RPH3AL: variants seen among roughly 807,000 people sequenced by gnomAD.
RPH3AL encodes rab effector Noc2.
A neutral mutation model predicts 43.1 loss-of-function variants in RPH3AL; 38 were observed. The ratio of observed to expected loss-of-function variants is 0.88; its 90% CI spans 0.68 to 1.15. The LOEUF is 1.15. RPH3AL is among the 50% of genes most tolerant of loss of function. The pLI, the probability that RPH3AL is intolerant of heterozygous loss-of-function variation, is 0.00. For synonymous variants in RPH3AL, 189 were observed against 176.3 expected (o/e 1.07, Z -0.57); for missense variants, 462 against 423.2 (o/e 1.09, Z -0.81).
In RPH3AL at chr17:246,562, C is replaced by T. The variant is rs574265601; in HGVS notation, c.613+549G>A. On this transcript the variant is annotated intron_variant, in intron 7 of 9. Coordinates refer to ENST00000331302, the MANE Select transcript of RPH3AL (RefSeq NM_006987.4). This position sits in a 1 kb window ranked among gnomAD's most constrained non-coding sequence, Gnocchi z 4.8. ...AAAGCATCATGAAAGCTGCGGAGAACGGTCCACAACCAGGCGCCCCCATCG... is the reference window on the plus strand; with the variant it reads ...AAAGCATCATGAAAGCTGCGGAGAATGGTCCACAACCAGGCGCCCCCATCG... Among the ~76,000 whole-genome samples, 14 of 152,262 alleles carry T rather than the reference C, an allele frequency of 9.2e-5. No homozygotes were observed. Among genetic ancestry groups the T allele is most frequent in the African/African-American group, 2.6e-4 (11 of 41,554 alleles).
intron 5 of RPH3AL, among the ~76,000 whole-genome samples, chr17:307,172 C>T (rs960499238): frequency 2.0e-4 from 30 of 150,646 alleles, no homozygotes; most frequent in Non-Finnish European, 3.3e-4. Flanking sequence ...GCCCATCCCA[C>T]GGCAGATCCT....
At chr17:267,311 G>A (rs2042347064) in intron 6 of RPH3AL, among the ~76,000 whole-genome samples, 1 of 152,214 alleles carries the variant, frequency 6.6e-6, no homozygotes, top group Admixed American at 6.5e-5. Flanking sequence ...TCTGACACCG[G>A]TTTGAGAGAG....
intron 3 of RPH3AL, 22 bp from the exon 4 acceptor site, chr17:321,437 C>T (rs368395983): frequency 7.8e-5 from 123 of 1,567,006 alleles, no homozygotes; most frequent in Middle Eastern, 1.7e-4. Flanking sequence ...ACAGCACAGA[C>T]GGCGTGGAGG....
chr17:331,622 C>T (rs1408267874), intron 2 of RPH3AL: 5 of 1,287,666 alleles, frequency 3.9e-6, no homozygotes, highest in Non-Finnish European at 5.1e-6. Flanking sequence ...GAGCCAGTTT[C>T]GATTCTCCAA....
At chr17:317,025 T>C (rs866582184) in intron 5 of RPH3AL, among the ~76,000 whole-genome samples, 10 of 62,318 alleles carry the variant, frequency 1.6e-4, no homozygotes, top group African/African-American at 2.5e-4. Flanking sequence ...GTCTCTGTGC[T>C]CCACCTCCAC....
Position 283,906 on chromosome 17 carries a change from G to A in RPH3AL, c.352-2052C>T, listed in dbSNP as rs1486517779. ...GGTCCCCCATCAGCCTATGAGGTGG[G>A]CTCCAGAACCACAACGTGGGCCTCT... On this transcript the variant is annotated intron_variant, in intron 5 of 9. Transcript: ENST00000331302. The surrounding 1 kb of genome is among the most constrained non-coding windows in gnomAD (Gnocchi z 4.2). 6.6e-6 allele frequency among the ~76,000 whole-genome samples: 1 copy of A among 152,180 alleles called. No individual in the cohort carries two copies. Among genetic ancestry groups the A allele is most frequent in the Non-Finnish European group, 1.5e-5 (1 of 68,024 alleles).
At chr17:336,349 C>G (rs2044953078) in intron 1 of RPH3AL, among the ~76,000 whole-genome samples, 1 of 152,196 alleles carries the variant, frequency 6.6e-6, no homozygotes, top group Non-Finnish European at 1.5e-5. Context: ...CAAAGAACCA[C>G]TCACTCGGAA....
chr17:263,529 T>A (rs1454686680), intron 6 of RPH3AL, among the ~76,000 whole-genome samples: 1 of 152,212 alleles, frequency 6.6e-6, no homozygotes, highest in Non-Finnish European at 1.5e-5. Context: ...TCCGAACAAT[T>A]TGATTTTTTA....
At chr17:340,358 A>G (rs2045079488) in intron 1 of RPH3AL, among the ~76,000 whole-genome samples, 2 of 147,592 alleles carry the variant, frequency 1.4e-5, no homozygotes, top group African/African-American at 5.1e-5. Flanking sequence ...CCCCACATCC[A>G]CACTCACTGC....
At chr17:281,307 T>C (rs1219073501) in intron 6 of RPH3AL, among the ~76,000 whole-genome samples, 1 of 151,922 alleles carries the variant, frequency 6.6e-6, no homozygotes, top group Non-Finnish European at 1.5e-5. Flanking sequence ...TATTTCCCCA[T>C]CAGGAAAAGG....
At chr17:269,170 G>C (rs2042402521) in intron 6 of RPH3AL, among the ~76,000 whole-genome samples, 1 of 152,108 alleles carries the variant, frequency 6.6e-6, no homozygotes, top group African/African-American at 2.4e-5. Context: ...GAGCCACCGT[G>C]CCTGGCCGAT....
At chr17:253,759 C>A (rs1555543629) in intron 6 of RPH3AL, among the ~76,000 whole-genome samples, 2 of 131,138 alleles carry the variant, frequency 1.5e-5, no homozygotes, top group Non-Finnish European at 3.3e-5. Context: ...ACCCTACGTA[C>A]TTCCTATGAG....
rs758549526 is a variant in RPH3AL, at chr17:333,081, C to G, written c.-37+678G>C. ...GAGGATGCAATTCTCTCTCTAAAGT[C>G]GAGAGCTCACCACCCCGGGCGTTCG... On this transcript the variant is annotated intron_variant, in intron 2 of 9. Coordinates refer to ENST00000331302, the MANE Select transcript of RPH3AL (RefSeq NM_006987.4). The surrounding 1 kb of genome is among the most constrained non-coding windows in gnomAD (Gnocchi z 4.5). 1.6e-6 allele frequency: 2 copies of G among 1,287,496 alleles called. No individual in the cohort carries two copies. Among genetic ancestry groups the G allele is most frequent in the Non-Finnish European group, 2.0e-6 (2 of 988,684 alleles). The allele number at this position is 1,287,496 out of a possible 1,614,324, so 79.8% of individuals were successfully genotyped here.
chr17:294,040 T>G (rs572411584), intron 5 of RPH3AL, among the ~76,000 whole-genome samples: 248 of 150,034 alleles, frequency 1.7e-3, no homozygotes, highest in African/African-American at 4.9e-3. Flanking sequence ...AAAAATAAAA[T>G]AAAAATAAAA....
intron 5 of RPH3AL, among the ~76,000 whole-genome samples, chr17:319,154 GA>G (rs1360496391): frequency 6.6e-6 from 1 of 152,210 alleles, no homozygotes; most frequent in African/African-American, 2.4e-5. Context: ...TTCACAGCCT[GA>G]CTTCTAACAC....
At chr17:228,353 CCT>C (rs975333440) in intron 7 of RPH3AL, among the ~76,000 whole-genome samples, 1 of 152,098 alleles carries the variant, frequency 6.6e-6, no homozygotes, top group African/African-American at 2.4e-5. Context: ...CAGTCCTTTA[CCT>C]CTCTGTGTGC....
At chr17:272,961 TCAGGGTGAGACCCCAGCAAGGGCTAC>T (rs2042520970) in intron 6 of RPH3AL, among the ~76,000 whole-genome samples, 17 of 41,480 alleles carry the variant, frequency 4.1e-4, no homozygotes, top group Admixed American at 2.4e-3. Context: ...AAGGGCTACG[TCAGGGTGAGACCCCAGCAAGGGCTAC>T]GTCAGGGTGA....
intron 6 of RPH3AL, chr17:247,616 G>A (rs2041798582): frequency 3.3e-6 from 1 of 302,084 alleles, no homozygotes; most frequent in Non-Finnish European, 6.2e-6. Context: ...CTCCTCAGCA[G>A]CTGGGACTAC....
intron 3 of RPH3AL, among the ~76,000 whole-genome samples, chr17:324,802 T>G (rs978679000): frequency 3.5e-4 from 54 of 152,336 alleles, no homozygotes; most frequent in African/African-American, 1.2e-3. Flanking sequence ...CTCAGCTCAC[T>G]GCAACATCCG....
Sources: gnomAD v4.1 joint callset for allele counts (sites outside exome capture counted in the v4.1 genomes callset) on GRCh38, gnomAD v4.1.1 for gene constraint, Gnocchi (gnomAD v3.1) non-coding constraint, MANE v1.5 for transcripts, NCBI Gene and HGNC (gene_info 2026-07-23, HGNC 2026-07-21) for gene names.